Variants in RCAN2 observed in about 807,000 individuals in gnomAD.
The protein encoded by RCAN2 is calcipressin-2.
Under a neutral mutation model 23.6 loss-of-function variants are expected in RCAN2, and 9 were observed. The ratio of observed to expected loss-of-function variants is 0.38; its 90% CI spans 0.23 to 0.67. The LOEUF is 0.67. Ranked by LOEUF, RCAN2 falls within the 30% of genes least tolerant of loss-of-function variation. The probability of loss-of-function intolerance (pLI) is 0.51; values close to 1 mark genes in which losing one functional copy is unlikely to be tolerated. For missense variants in RCAN2, 273 were observed against 302.3 expected (o/e 0.90, Z 0.72); for synonymous variants, 109 against 115.7 (o/e 0.94, Z 0.37).
intron 1 of RCAN2, among the ~76,000 whole-genome samples, chr6:46,479,581 A>AT (rs1187073106): frequency 1.8e-4 from 18 of 98,138 alleles, no homozygotes; most frequent in Non-Finnish European, 3.1e-4. Flanking sequence ...GGTCTGTCTC[A>AT]CCTTTTTTTT....
At position 46,443,353 on chromosome 6, in the gene RCAN2, T is replaced by C. The variant is rs144200122; in HGVS notation, c.225+13399A>G. 1.7e-3 allele frequency among the ~76,000 whole-genome samples: 259 copies of C among 152,296 alleles called. 3 individuals are homozygous for C. Among genetic ancestry groups the C allele is most frequent in the African/African-American group, 5.8e-3 (240 of 41,574 alleles). On this transcript the variant is annotated intron_variant, in intron 2 of 4. Transcript: ENST00000371374. ...GAATTATTATCTTCATATTTAGTCTTTGTTACAGATCCCTAGCGTGAATTT... is the reference window on the plus strand; with the variant it reads ...GAATTATTATCTTCATATTTAGTCTCTGTTACAGATCCCTAGCGTGAATTT...
At chr6:46,474,903 A>C (rs1375999914) in intron 1 of RCAN2, among the ~76,000 whole-genome samples, 1 of 152,214 alleles carries the variant, frequency 6.6e-6, no homozygotes, top group Non-Finnish European at 1.5e-5. Context: ...GGGGAAAGTC[A>C]AGGCTTATTT....
intron 2 of RCAN2, among the ~76,000 whole-genome samples, chr6:46,256,440 G>T (rs950308661): frequency 6.6e-6 from 1 of 151,774 alleles, no homozygotes; most frequent in Non-Finnish European, 1.5e-5. Context: ...CTGAAGATGT[G>T]CATGTGCTGC....
At chr6:46,485,828 A>T (rs184881152) in intron 1 of RCAN2, among the ~76,000 whole-genome samples, 3 of 152,252 alleles carry the variant, frequency 2.0e-5, no homozygotes, top group Non-Finnish European at 4.4e-5. Context: ...CCATGTCCTG[A>T]TCAGCTCTGG....
intron 1 of RCAN2, among the ~76,000 whole-genome samples, chr6:46,487,121 C>T (rs1361589808): frequency 6.6e-6 from 1 of 152,218 alleles, no homozygotes; most frequent in Non-Finnish European, 1.5e-5. Flanking sequence ...TCTGTCCCCT[C>T]TCTATTCTAT....
chr6:46,358,896 C>G (rs1764918110), intron 2 of RCAN2, among the ~76,000 whole-genome samples: 1 of 152,152 alleles, frequency 6.6e-6, no homozygotes, highest in African/African-American at 2.4e-5. Context: ...CCAGGTGATT[C>G]CAATATGCAG....
chr6:46,369,837 G>T (rs1178856798), intron 2 of RCAN2, among the ~76,000 whole-genome samples: 1 of 152,258 alleles, frequency 6.6e-6, no homozygotes, highest in East Asian at 1.9e-4. Flanking sequence ...GACAAGAGCA[G>T]CTAATCACTT....
intron 2 of RCAN2, among the ~76,000 whole-genome samples, chr6:46,321,158 C>T (rs541803078): frequency 1.3e-5 from 2 of 152,274 alleles, no homozygotes; most frequent in East Asian, 3.9e-4. Context: ...GTCACTTCCC[C>T]AGAGATGTTT....
intron 2 of RCAN2, among the ~76,000 whole-genome samples, chr6:46,382,658 C>G (rs1386100893): frequency 2.0e-5 from 3 of 152,176 alleles, no homozygotes; most frequent in Non-Finnish European, 2.9e-5. Flanking sequence ...AATTTAAATA[C>G]TGCTATAGCC....
At chr6:46,431,149 G>A (rs990752042) in intron 2 of RCAN2, among the ~76,000 whole-genome samples, 2 of 151,994 alleles carry the variant, frequency 1.3e-5, no homozygotes, top group African/African-American at 4.8e-5. Flanking sequence ...CTGTGTGTGT[G>A]TGTGTTTCAT....
intron 2 of RCAN2, among the ~76,000 whole-genome samples, chr6:46,432,151 A>C (rs1767228281): frequency 6.6e-6 from 1 of 152,212 alleles, no homozygotes; most frequent in African/African-American, 2.4e-5. Context: ...ATAAAGGTTT[A>C]ATTTACCATA....
intron 2 of RCAN2, among the ~76,000 whole-genome samples, chr6:46,402,248 T>G (rs1766266854): frequency 6.6e-6 from 1 of 152,096 alleles, no homozygotes. Flanking sequence ...TGTGTGTGTG[T>G]GTTGTATGTC....
intron 2 of RCAN2, among the ~76,000 whole-genome samples, chr6:46,334,963 C>T (rs560439500): frequency 2.5e-5 from 3 of 120,858 alleles, no homozygotes; most frequent in Admixed American, 8.5e-5. Context: ...CTGACACACT[C>T]GAAAAAATTA....
chr6:46,353,190 C>G (rs896730483), intron 2 of RCAN2, among the ~76,000 whole-genome samples: 1 of 152,148 alleles, frequency 6.6e-6, no homozygotes, highest in Non-Finnish European at 1.5e-5. Flanking sequence ...AAGTTCATCT[C>G]CAGCTCAGGC....
chr6:46,236,396 G>T (rs1271079950), intron 4 of RCAN2, among the ~76,000 whole-genome samples: 1 of 150,056 alleles, frequency 6.7e-6, no homozygotes, highest in Non-Finnish European at 1.5e-5. Context: ...ATTTCCATGA[G>T]ACAGAAAATC....
At chr6:46,400,105 T>C (rs1766207872) in intron 2 of RCAN2, among the ~76,000 whole-genome samples, 1 of 152,222 alleles carries the variant, frequency 6.6e-6, no homozygotes, top group African/African-American at 2.4e-5. Context: ...CTCTAGTGTA[T>C]CTCTATACTC....
intron 2 of RCAN2, among the ~76,000 whole-genome samples, chr6:46,386,369 C>G (rs12110432): frequency 0.017 from 2,588 of 151,520 alleles, 55 homozygotes; most frequent in South Asian, 0.12. Flanking sequence ...GAGGCCAAGG[C>G]GAGTGAATCA....
At chr6:46,259,641 C>T (rs1472613006) in intron 2 of RCAN2, among the ~76,000 whole-genome samples, 1 of 152,160 alleles carries the variant, frequency 6.6e-6, no homozygotes, top group Non-Finnish European at 1.5e-5. Context: ...CGCTTTAACT[C>T]AATTCTGACT....
intron 2 of RCAN2, among the ~76,000 whole-genome samples, chr6:46,354,859 A>C (rs1415454193): frequency 6.6e-6 from 1 of 152,096 alleles, no homozygotes; most frequent in African/African-American, 2.4e-5. Flanking sequence ...CTAATCTTCT[A>C]GAAAACCTGC....
Sources: gnomAD v4.1 joint callset for allele counts (sites outside exome capture counted in the v4.1 genomes callset) on GRCh38, gnomAD v4.1.1 for gene constraint, MANE v1.5 for transcripts, NCBI Gene and HGNC (gene_info 2026-07-23, HGNC 2026-07-21) for gene names.